WNT3: variants seen among roughly 807,000 people sequenced by gnomAD.
WNT3 encodes the protein Wnt family member 3, also known as proto-oncogene Wnt-3.
Under a neutral mutation model 34.2 loss-of-function variants are expected in WNT3, and 7 were observed. That is an observed-to-expected ratio of 0.20 (90% CI 0.12 to 0.38). The LOEUF is 0.38. Among genes scored for constraint, WNT3 ranks in the 10% least tolerant of loss-of-function variants. WNT3 has a pLI of 1.00. For missense variants in WNT3, 267 were observed against 499.8 expected (o/e 0.53, Z 4.44); for synonymous variants, 212 against 211.5 (o/e 1.00, Z -0.02).
intron 1 of WNT3, among the ~76,000 whole-genome samples, chr17:46,777,229 A>G (rs1214301180): frequency 6.6e-6 from 1 of 152,210 alleles, no homozygotes; most frequent in Non-Finnish European, 1.5e-5. Flanking sequence ...AAAGAAAAAG[A>G]AAAAGCAGAG....
Position 46,769,838 on chromosome 17 carries a change from T to G in WNT3, c.533A>C (p.Asn178Thr), listed in dbSNP as rs2146374772. 1 of 1,613,352 alleles carries G rather than the reference T, an allele frequency of 6.2e-7. No individual in the cohort carries two copies. Among genetic ancestry groups the G allele is most frequent in the East Asian group, 2.2e-5 (1 of 44,880 alleles). The change falls in exon 3 of 5, where the codon AAC becomes ACC. Residue 178 changes from asparagine (N) to threonine (T), a missense_variant. Physicochemically the swap from Asn to Thr is moderately conservative, Grantham distance 65. Coordinates refer to ENST00000225512, the MANE Select transcript of WNT3 (RefSeq NM_030753.5). ...CATGGCCGAGCGCGCGTCCGGCCTG[T>G]TCTCGCGCGCATCCGCGAACTCCCT... ...VSREFADARE[N>T]RPDARSAMNK... is the part of the protein sequence containing the mutation.
At chr17:46,800,774 G>A (rs2084114456) in intron 1 of WNT3, among the ~76,000 whole-genome samples, 1 of 152,184 alleles carries the variant, frequency 6.6e-6, no homozygotes, top group Non-Finnish European at 1.5e-5. Flanking sequence ...ATGGAGAACT[G>A]GTCCTGCCCA....
chr17:46,805,689 TAC>T (rs2084186223), intron 1 of WNT3, among the ~76,000 whole-genome samples: 3 of 152,202 alleles, frequency 2.0e-5, no homozygotes, highest in Admixed American at 2.0e-4. Flanking sequence ...AGATTGAGGC[TAC>T]AGTGGGCTGT....
At chr17:46,803,926 T>C (rs2146448211) in intron 1 of WNT3, among the ~76,000 whole-genome samples, 1 of 152,304 alleles carries the variant, frequency 6.6e-6, no homozygotes, top group Admixed American at 6.5e-5. Context: ...CGGGCATTTC[T>C]CCCTGAGGAC....
intron 1 of WNT3, among the ~76,000 whole-genome samples, chr17:46,788,605 G>A (rs938785675): frequency 2.0e-5 from 3 of 152,136 alleles, no homozygotes; most frequent in Non-Finnish European, 2.9e-5. Context: ...TTATACATCC[G>A]TCACAGGTAA....
intron 1 of WNT3, among the ~76,000 whole-genome samples, chr17:46,796,590 C>T (rs961331580): frequency 1.3e-4 from 20 of 152,214 alleles, no homozygotes; most frequent in African/African-American, 4.1e-4. Context: ...GAGAGGCAAG[C>T]GCAACTTGGT....
intron 1 of WNT3, among the ~76,000 whole-genome samples, chr17:46,797,486 G>T (rs1415533399): frequency 6.6e-6 from 1 of 152,248 alleles, no homozygotes; most frequent in Non-Finnish European, 1.5e-5. Flanking sequence ...GTCCTCAGGA[G>T]TGGGCTTGCC....
At chr17:46,770,359 A>G (rs2059352966) in intron 2 of WNT3, among the ~76,000 whole-genome samples, 1 of 152,202 alleles carries the variant, frequency 6.6e-6, no homozygotes, top group Admixed American at 6.5e-5. Context: ...AGGTTGCTGC[A>G]GAGATAAGGC....
intron 1 of WNT3, among the ~76,000 whole-genome samples, chr17:46,816,115 A>ACG (rs1568100211): frequency 3.8e-5 from 1 of 26,346 alleles, no homozygotes; most frequent in African/African-American, 1.5e-4. Context: ...GCGCACGTAC[A>ACG]CACACACACA....
intron 1 of WNT3, among the ~76,000 whole-genome samples, chr17:46,813,158 T>A (rs1244799606): frequency 6.6e-6 from 1 of 151,852 alleles, no homozygotes; most frequent in Non-Finnish European, 1.5e-5. Context: ...GTGGACTGTC[T>A]AATACAGGCC....
intron 3 of WNT3, 91 bp downstream of exon 3, chr17:46,769,692 G>T: frequency 6.5e-7 from 1 of 1,549,040 alleles, no homozygotes; most frequent in Non-Finnish European, 8.7e-7. Context: ...CCACAGGGCT[G>T]CCGGAAGGGG....
intron 1 of WNT3, among the ~76,000 whole-genome samples, chr17:46,782,573 C>A (rs2059471025): frequency 6.6e-6 from 1 of 152,260 alleles, no homozygotes; most frequent in South Asian, 2.1e-4. Context: ...CAGGCCTCTA[C>A]CTTTCCACTT....
At chr17:46,810,597 A>G (rs1397645290) in intron 1 of WNT3, among the ~76,000 whole-genome samples, 3 of 152,220 alleles carry the variant, frequency 2.0e-5, no homozygotes, top group Non-Finnish European at 4.4e-5. Flanking sequence ...AAACTGAGGG[A>G]GGGAGGAGAC....
chr17:46,781,850 G>A (rs564188859), intron 1 of WNT3, among the ~76,000 whole-genome samples: 3 of 152,276 alleles, frequency 2.0e-5, no homozygotes, highest in East Asian at 1.9e-4. Context: ...TCCTCTATAC[G>A]GGAAGATTGA....
At chr17:46,794,005 G>C (rs2146429391) in intron 1 of WNT3, among the ~76,000 whole-genome samples, 1 of 152,282 alleles carries the variant, frequency 6.6e-6, no homozygotes, top group South Asian at 2.1e-4. Flanking sequence ...CACTGAACTA[G>C]GCACGACGGG....
intron 1 of WNT3, among the ~76,000 whole-genome samples, chr17:46,802,947 T>TTATA (rs1329471488): frequency 6.6e-6 from 1 of 152,150 alleles, no homozygotes. Context: ...GAACCCTGAT[T>TTATA]TATAGCAGGT....
chr17:46,768,852 A>T lies in WNT3; in HGVS notation c.589-53T>A, dbSNP rs992444902. The T allele has an allele frequency of 6.3e-7, 1 of 1,591,826 alleles. No homozygotes were observed. The highest frequency in any genetic ancestry group is 1.7e-5 in the Admixed American group (1 of 59,434). The stretch of plus-strand genomic sequence containing the variant: ...ACAGACCGACCCCACGAGGGGGCAC[A>T]TCCAGGCCTTCCCTCTCTGCCACTG... On this transcript the variant is annotated intron_variant, in intron 3 of 4. Coordinates refer to ENST00000225512, the MANE Select transcript of WNT3 (RefSeq NM_030753.5). This position sits in a 1 kb window ranked among gnomAD's most constrained non-coding sequence, Gnocchi z 5.0.
At chr17:46,796,963 C>A (rs1598784849) in intron 1 of WNT3, among the ~76,000 whole-genome samples, 1 of 152,290 alleles carries the variant, frequency 6.6e-6, no homozygotes, top group Admixed American at 6.5e-5. Context: ...CAAAACCAAA[C>A]TGACTGAAAT....
At position 46,762,762 on chromosome 17, in the gene WNT3, C is replaced by A. The variant is rs1484525270; in HGVS notation, c.*1868G>T. ...GGAAATTTCGGTTGGATACTATTAC[C>A]TGACTACGGCGAGAATCATTACAAT... On this transcript the variant is annotated 3_prime_UTR_variant, in exon 5 of 5. Transcript: ENST00000225512. 6.6e-6 allele frequency: 1 copy of A among 152,000 alleles called. No individual in the cohort carries two copies. The highest frequency in any genetic ancestry group is 2.4e-5 in the African/African-American group (1 of 41,402). The allele number at this position is 152,000 out of a possible 1,614,324, so 9.4% of individuals were successfully genotyped here.
Sources: allele counts gnomAD v4.1 joint callset (sites outside exome capture counted in the v4.1 genomes callset), GRCh38; gene constraint gnomAD v4.1.1; non-coding constraint Gnocchi (gnomAD v3.1); transcripts MANE v1.5; gene names NCBI Gene and HGNC (gene_info 2026-07-23, HGNC 2026-07-21).